CEP83: variants seen among roughly 807,000 people sequenced by gnomAD.
CEP83 encodes the protein centrosomal protein of 83 kDa.
A neutral mutation model predicts 101.9 loss-of-function variants in CEP83; 70 were observed. That is an observed-to-expected ratio of 0.69 (90% CI 0.57 to 0.84). The LOEUF is 0.84. CEP83 is among the 40% of genes least tolerant of loss of function. CEP83 has a pLI of 0.00. For missense variants in CEP83, 715 were observed against 787.2 expected, an observed-to-expected ratio of 0.91 and a Z score of 1.10; for synonymous variants, 264 against 267.9, an observed-to-expected ratio of 0.99 and a Z score of 0.14.
chr12:94,443,220 G>T (rs968773799), intron 1 of CEP83, among the ~76,000 whole-genome samples: 1 of 151,948 alleles, frequency 6.6e-6, no homozygotes, highest in African/African-American at 2.4e-5. Context: ...GGACCCCTTT[G>T]CTAGAGTCAA....
chr12:94,280,773 C>T, the CEP83 span, among the ~76,000 whole-genome samples: 1 of 152,198 alleles, frequency 6.6e-6, no homozygotes, highest in Non-Finnish European at 1.5e-5. Flanking sequence ...ATGGGCATAC[C>T]CCGCCCGACA....
intron 2 of CEP83, among the ~76,000 whole-genome samples, chr12:94,431,362 C>T (rs1313465036): frequency 6.6e-6 from 1 of 152,050 alleles, no homozygotes; most frequent in Non-Finnish European, 1.5e-5. Context: ...ATAGGGAAAA[C>T]ACTTCAGGAC....
At chr12:94,364,189 T>C (rs1057279791) in intron 11 of CEP83, among the ~76,000 whole-genome samples, 4 of 152,154 alleles carry the variant, frequency 2.6e-5, no homozygotes, top group Non-Finnish European at 1.5e-5. Context: ...ATGGTAATGA[T>C]GGTTCCACAA....
chr12:94,327,897 C>T (rs1455719094), intron 14 of CEP83, among the ~76,000 whole-genome samples: 1 of 152,124 alleles, frequency 6.6e-6, no homozygotes, highest in Non-Finnish European at 1.5e-5. Flanking sequence ...CATAAATCAC[C>T]CAGGAGTGAC....
chr12:94,377,924 G>A (rs6538495), intron 7 of CEP83, among the ~76,000 whole-genome samples: 2,801 of 152,148 alleles, frequency 0.018, 75 homozygotes, highest in African/African-American at 0.063. Context: ...CTGACAGAGC[G>A]TCATGTAACA....
At chr12:94,447,131 C>G (rs934814756) in intron 1 of CEP83, among the ~76,000 whole-genome samples, 9 of 152,134 alleles carry the variant, frequency 5.9e-5, no homozygotes, top group African/African-American at 2.2e-4. Flanking sequence ...AGATAGATAA[C>G]CAAAGACGAA....
chr12:94,408,140 T>C (rs1375268326), intron 4 of CEP83: 3 of 152,194 alleles, frequency 2.0e-5, no homozygotes, highest in Non-Finnish European at 2.9e-5. Flanking sequence ...TAATGGAATA[T>C]TGCCACTACT....
chr12:94,364,960 G>C (rs1267486197), intron 11 of CEP83, among the ~76,000 whole-genome samples: 2 of 152,120 alleles, frequency 1.3e-5, no homozygotes, highest in African/African-American at 4.8e-5. Flanking sequence ...TTCAGGGAGA[G>C]AGTACTAACT....
At chr12:94,342,582 G>A (rs917799020) in intron 11 of CEP83, among the ~76,000 whole-genome samples, 1 of 152,164 alleles carries the variant, frequency 6.6e-6, no homozygotes, top group African/African-American at 2.4e-5. Flanking sequence ...GCATGTGAAT[G>A]TACTTAATTC....
At chr12:94,267,588 T>G in the CEP83 span, among the ~76,000 whole-genome samples, 1 of 152,196 alleles carries the variant, frequency 6.6e-6, no homozygotes, top group African/African-American at 2.4e-5. Flanking sequence ...TGAAAAGGAA[T>G]GGGCCACTTG....
chr12:94,286,302 G>A, the CEP83 span, among the ~76,000 whole-genome samples: 14 of 152,130 alleles, frequency 9.2e-5, no homozygotes, highest in African/African-American at 3.4e-4. Flanking sequence ...TGAAGGAAAC[G>A]GGAGGTCATT....
At chr12:94,414,559 A>G (rs2064132743) in intron 2 of CEP83, among the ~76,000 whole-genome samples, 1 of 152,236 alleles carries the variant, frequency 6.6e-6, no homozygotes, top group Admixed American at 6.5e-5. Flanking sequence ...TACATTTTAA[A>G]GACATAATTA....
chr12:94,459,912 A>C (rs2068024373), upstream of CEP83: 1 of 152,444 alleles, frequency 6.6e-6, no homozygotes, highest in Non-Finnish European at 1.5e-5. Context: ...AAGCCGCCTC[A>C]TCGCACCGCC....
chr12:94,298,505 T>C, the CEP83 span: 1 of 773,446 alleles, frequency 1.3e-6, no homozygotes, highest in Admixed American at 3.3e-5. Flanking sequence ...TACATTTTTC[T>C]CTTCAGTTTG....
At position 94,442,056 on chromosome 12, in the gene CEP83, A is replaced by G. The variant is rs186615633; in HGVS notation, c.-154-6729T>C. On this transcript the variant is annotated intron_variant, in intron 1 of 16. Transcript: ENST00000397809. ...TGCATGTTTATAGCAGCACATTTGCAACTGCAAAAATATGGAACCAGACTA... is the reference window on the plus strand; with the variant it reads ...TGCATGTTTATAGCAGCACATTTGCGACTGCAAAAATATGGAACCAGACTA... 4.9e-3 allele frequency among the ~76,000 whole-genome samples: 743 copies of G among 152,308 alleles called. 5 individuals are homozygous for G. The highest frequency in any genetic ancestry group is 8.2e-3 in the Non-Finnish European group (558 of 68,022).
chr12:94,295,907 A>G, the CEP83 span, among the ~76,000 whole-genome samples: 2 of 152,150 alleles, frequency 1.3e-5, no homozygotes, highest in Admixed American at 1.3e-4. Flanking sequence ...TGCACTCTTT[A>G]CAGAGAAAAC....
intron 4 of CEP83, 81 bp from the exon 5 acceptor site, chr12:94,403,343 T>C: frequency 3.0e-6 from 2 of 662,350 alleles, no homozygotes; most frequent in South Asian, 3.9e-5. Flanking sequence ...CTCTCCTAAT[T>C]ATGACAATGG....
At chr12:94,295,372 C>T in the CEP83 span, among the ~76,000 whole-genome samples, 4 of 152,214 alleles carry the variant, frequency 2.6e-5, no homozygotes, top group African/African-American at 9.6e-5. Context: ...GTGAAGCCAT[C>T]TTGCAGAGAT....
At chr12:94,323,981 A>G (rs186430158) in intron 14 of CEP83, among the ~76,000 whole-genome samples, 3 of 152,346 alleles carry the variant, frequency 2.0e-5, no homozygotes, top group Admixed American at 1.3e-4. Flanking sequence ...GTTGAATTAC[A>G]CTGAACAATT....
Sources: allele counts gnomAD v4.1 joint callset (sites outside exome capture counted in the v4.1 genomes callset), GRCh38; gene constraint gnomAD v4.1.1; transcripts MANE v1.5; gene names NCBI Gene and HGNC (gene_info 2026-07-23, HGNC 2026-07-21).